Variants in PIK3C2G observed in about 807,000 individuals in gnomAD.
PIK3C2G encodes the protein phosphatidylinositol 3-kinase C2 domain-containing subunit gamma.
Under a neutral mutation model 181.1 loss-of-function variants are expected in PIK3C2G, and 168 were observed. The observed-to-expected ratio is 0.93, with a 90% CI of 0.82 to 1.05. PIK3C2G has a LOEUF of 1.05. Among genes scored for constraint, PIK3C2G ranks in the 50% least tolerant of loss-of-function variants. The pLI is 0.00. For missense variants in PIK3C2G, 1,869 were observed against 1,732.8 expected (o/e 1.08, Z -1.40); for synonymous variants, 573 against 592.2 (o/e 0.97, Z 0.47).
At chr12:18,558,147 C>T (rs1945109699) in intron 26 of PIK3C2G, among the ~76,000 whole-genome samples, 1 of 152,038 alleles carries the variant, frequency 6.6e-6, no homozygotes, top group South Asian at 2.1e-4. Context: ...AATACTGACA[C>T]AGAGATAGAC....
intron 14 of PIK3C2G, among the ~76,000 whole-genome samples, chr12:18,383,185 C>T (rs1458006181): frequency 1.3e-5 from 2 of 152,138 alleles, no homozygotes; most frequent in Admixed American, 6.5e-5. Context: ...AGCAAAATGC[C>T]AGAGGTTCAA....
intron 14 of PIK3C2G, among the ~76,000 whole-genome samples, chr12:18,387,911 A>G (rs895804034): frequency 6.6e-6 from 1 of 152,100 alleles, no homozygotes; most frequent in African/African-American, 2.4e-5. Context: ...CTGAATACCA[A>G]AATGTTTGGC....
chr12:18,697,123 C>T, the PIK3C2G span, among the ~76,000 whole-genome samples: 5 of 152,068 alleles, frequency 3.3e-5, no homozygotes, highest in African/African-American at 1.2e-4. Flanking sequence ...TTTCATTAAA[C>T]AGATCCTGTT....
chr12:18,506,963 T>A (rs2136125791), intron 24 of PIK3C2G, among the ~76,000 whole-genome samples: 1 of 152,270 alleles, frequency 6.6e-6, no homozygotes, highest in East Asian at 1.9e-4. Flanking sequence ...TCTGTTACTC[T>A]CAATACATTG....
At chr12:18,712,911 A>G in the PIK3C2G span, 2 of 1,613,980 alleles carry the variant, frequency 1.2e-6, no homozygotes, top group Non-Finnish European at 1.7e-6. Context: ...GTGTGTAGCC[A>G]TGATATACAA....
intron 29 of PIK3C2G, among the ~76,000 whole-genome samples, chr12:18,573,702 G>A (rs1366896650): frequency 6.6e-6 from 1 of 152,122 alleles, no homozygotes; most frequent in Non-Finnish European, 1.5e-5. Flanking sequence ...CCAGAAAATG[G>A]AGTCTAAAAC....
intron 1 of PIK3C2G, among the ~76,000 whole-genome samples, chr12:18,275,623 C>A (rs1029419185): frequency 6.6e-6 from 1 of 152,132 alleles, no homozygotes; most frequent in Non-Finnish European, 1.5e-5. Context: ...GCTCGTGATC[C>A]ACCCGCCTCG....
At chr12:18,692,421 A>G in the PIK3C2G span, among the ~76,000 whole-genome samples, 1 of 152,250 alleles carries the variant, frequency 6.6e-6, no homozygotes, top group Non-Finnish European at 1.5e-5. Flanking sequence ...AAATAAGCAT[A>G]GCACTTAGGT....
intron 9 of PIK3C2G, among the ~76,000 whole-genome samples, chr12:18,341,650 G>A (rs1013679567): frequency 5.3e-5 from 8 of 151,964 alleles, no homozygotes; most frequent in Admixed American, 5.3e-4. Context: ...CATTTTAAAT[G>A]TGAGCCCACC....
rs928193700 is a variant in PIK3C2G at position 18,281,973 on chromosome 12, T to C, written c.-78-31T>C. 4.6e-6 allele frequency: 3 copies of C among 657,276 alleles called. No individual in the cohort carries two copies. The African/African-American group carries it at 5.5e-5, about 12-fold the overall frequency. 40.7% of individuals were successfully genotyped at this position (657,276 alleles called of 1,614,324 possible). On this transcript the variant is annotated intron_variant, in intron 1 of 32. Transcript: ENST00000538779. ...ACAAGCTCTTTTCTTTCAAATTCAA[T>C]ATATTTTCTTTCATTTTATGCTTTT... is the stretch of plus-strand genomic sequence containing the variant.
At chr12:18,328,389 GA>G (rs1391023530) in intron 8 of PIK3C2G, among the ~76,000 whole-genome samples, 1 of 151,932 alleles carries the variant, frequency 6.6e-6, no homozygotes, top group African/African-American at 2.4e-5. Context: ...GAGAGAGAAA[GA>G]AAATTCCATA....
chr12:18,291,058 A>T (rs747405392), intron 4 of PIK3C2G, 46 bp downstream of exon 4: 2 of 1,174,482 alleles, frequency 1.7e-6, no homozygotes, highest in Middle Eastern at 2.0e-4. Context: ...CAAAGCTGGT[A>T]TTGGCGACGT....
At chr12:18,716,745 A>G in the PIK3C2G span, among the ~76,000 whole-genome samples, 2 of 152,184 alleles carry the variant, frequency 1.3e-5, no homozygotes, top group Non-Finnish European at 2.9e-5. Context: ...AATACTTCCT[A>G]TAAACTATCA....
chr12:18,387,846 A>G (rs1943273763), intron 14 of PIK3C2G, among the ~76,000 whole-genome samples: 1 of 152,208 alleles, frequency 6.6e-6, no homozygotes, highest in South Asian at 2.1e-4. Flanking sequence ...GATGACTACA[A>G]AAACACTGCC....
intron 17 of PIK3C2G, among the ~76,000 whole-genome samples, chr12:18,422,534 T>C (rs562879687): frequency 6.6e-6 from 1 of 152,218 alleles, no homozygotes; most frequent in East Asian, 1.9e-4. Flanking sequence ...AAACAGAAGA[T>C]GCAGTTCATA....
intron 18 of PIK3C2G, among the ~76,000 whole-genome samples, chr12:18,483,399 T>C (rs764019930): frequency 2.6e-5 from 4 of 152,186 alleles, no homozygotes; most frequent in Admixed American, 1.3e-4. Context: ...TTCACACTTT[T>C]AAATGAGTCA....
chr12:18,462,582 T>A (rs953204836), intron 18 of PIK3C2G, among the ~76,000 whole-genome samples: 19 of 152,128 alleles, frequency 1.2e-4, no homozygotes, highest in Non-Finnish European at 2.6e-4. Flanking sequence ...CATGGATGAC[T>A]CTGAAATCTG....
chr12:18,668,661 T>C, the PIK3C2G span, among the ~76,000 whole-genome samples: 2 of 152,228 alleles, frequency 1.3e-5, no homozygotes, highest in Admixed American at 1.3e-4. Context: ...TAGAGCAAAG[T>C]GCTGCTCACT....
intron 24 of PIK3C2G, among the ~76,000 whole-genome samples, chr12:18,518,402 C>T (rs1413482009): frequency 6.6e-6 from 1 of 152,172 alleles, no homozygotes; most frequent in African/African-American, 2.4e-5. Flanking sequence ...ATTACTGCCT[C>T]AATTTCTGAG....
Sources: allele counts gnomAD v4.1 joint callset (sites outside exome capture counted in the v4.1 genomes callset), GRCh38; gene constraint gnomAD v4.1.1; transcripts MANE v1.5; gene names NCBI Gene and HGNC (gene_info 2026-07-23, HGNC 2026-07-21).